The following DGKI variants were observed in gnomAD, a reference collection of about 807,000 sequenced individuals.
DGKI encodes DAG kinase iota.
A neutral mutation model predicts 147.5 loss-of-function variants in DGKI; 55 were observed. The ratio of observed to expected loss-of-function variants is 0.37; its 90% confidence interval spans 0.30 to 0.47. The LOEUF is 0.47. Among genes scored for constraint, DGKI ranks in the 20% least tolerant of loss-of-function variants. DGKI has a pLI of 1.00. For synonymous variants in DGKI, 469 were observed against 477.1 expected, an observed-to-expected ratio of 0.98 and a Z score of 0.22; for missense variants, 1,007 against 1,323.8, an observed-to-expected ratio of 0.76 and a Z score of 3.71.
intron 5 of DGKI, among the ~76,000 whole-genome samples, chr7:137,646,290 GA>G (rs1821821661): frequency 6.6e-6 from 1 of 152,208 alleles, no homozygotes; most frequent in African/African-American, 2.4e-5. Context: ...ATAGAGTGAA[GA>G]AAGAGAAAAG....
At chr7:137,602,643 C>T (rs1820034287) in intron 10 of DGKI, among the ~76,000 whole-genome samples, 1 of 152,154 alleles carries the variant, frequency 6.6e-6, no homozygotes, top group Non-Finnish European at 1.5e-5. Flanking sequence ...ATTAACTCTG[C>T]TGTTACCTCT....
chr7:137,743,821 A>C (rs1409861327), intron 1 of DGKI, among the ~76,000 whole-genome samples: 1 of 151,964 alleles, frequency 6.6e-6, no homozygotes, highest in Non-Finnish European at 1.5e-5. Flanking sequence ...GTCTCTGCTA[A>C]AAATACAAAA....
intron 1 of DGKI, among the ~76,000 whole-genome samples, chr7:137,822,193 G>C (rs4728422): frequency 0.01 from 1,532 of 152,238 alleles, 14 homozygotes; most frequent in Middle Eastern, 0.017. Context: ...GATCACCTGA[G>C]GTCAGGAGTT....
chr7:137,574,502 T>C (rs1818903299), intron 17 of DGKI, among the ~76,000 whole-genome samples: 1 of 152,212 alleles, frequency 6.6e-6, no homozygotes, highest in African/African-American at 2.4e-5. Context: ...ATAAATATTA[T>C]TGTATTTAGA....
rs776646188 is a variant in DGKI, at chr7:137,552,562, G to A, written c.1954C>T (p.Leu652=). The A allele has an allele frequency of 6.2e-6, 10 of 1,613,810 alleles. No homozygotes were observed. The highest frequency in any genetic ancestry group is 2.5e-6 in the Non-Finnish European group (3 of 1,179,962). ...IGFTMASLAA[L]QVGGHGERLH... is the part of the protein sequence containing the mutation. ...CTCTCTCCATGGCCCCCAACTTGCAGGGCTGCCTATAAAAACAAGAGTCAA... is the reference window on the plus strand; with the variant it reads ...CTCTCTCCATGGCCCCCAACTTGCAAGGCTGCCTATAAAAACAAGAGTCAA... The change falls in exon 20 of 33, where the codon CTG becomes TTG. Residue 652 remains leucine (L), a synonymous_variant. Coordinates refer to ENST00000614521, the MANE Select transcript of DGKI (RefSeq NM_001321708.2).
chr7:137,539,336 C>T (rs1416084734), intron 20 of DGKI, among the ~76,000 whole-genome samples: 2 of 151,984 alleles, frequency 1.3e-5, no homozygotes, highest in East Asian at 1.9e-4. Flanking sequence ...AAAGGAAGCC[C>T]CAAGAGACCA....
chr7:137,772,645 C>CAAAA (rs556325713), intron 1 of DGKI, among the ~76,000 whole-genome samples: 2 of 149,758 alleles, frequency 1.3e-5, no homozygotes, highest in African/African-American at 4.9e-5. Flanking sequence ...ATTGCTAATT[C>CAAAA]AAAAAAAAAG....
chr7:137,767,986 G>A (rs1796071772), intron 1 of DGKI, among the ~76,000 whole-genome samples: 1 of 152,102 alleles, frequency 6.6e-6, no homozygotes, highest in African/African-American at 2.4e-5. Flanking sequence ...GACCAGACTG[G>A]GCAACACAGC....
At chr7:137,653,900 G>A (rs1480442154) in intron 5 of DGKI, among the ~76,000 whole-genome samples, 2 of 152,208 alleles carry the variant, frequency 1.3e-5, no homozygotes. Context: ...CATTCTAGGA[G>A]GACAGGTTCT....
chr7:137,758,867 AT>A (rs1321466948), intron 1 of DGKI, among the ~76,000 whole-genome samples: 2 of 152,016 alleles, frequency 1.3e-5, no homozygotes, highest in Non-Finnish European at 2.9e-5. Context: ...TAATCATACC[AT>A]TTTTTTACTT....
intron 19 of DGKI, among the ~76,000 whole-genome samples, chr7:137,567,302 G>A (rs1381396529): frequency 6.6e-6 from 1 of 150,810 alleles, no homozygotes; most frequent in Non-Finnish European, 1.5e-5. Flanking sequence ...TCACTATTTT[G>A]CAACCCTTAA....
chr7:137,808,794 C>A (rs1288912614), intron 1 of DGKI, among the ~76,000 whole-genome samples: 1 of 152,144 alleles, frequency 6.6e-6, no homozygotes, highest in African/African-American at 2.4e-5. Flanking sequence ...CACCTGCAAA[C>A]CATGAGGATG....
chr7:137,733,673 AAACAGACAATGAACAATAAGT>A (rs1794945950), intron 1 of DGKI, among the ~76,000 whole-genome samples: 1 of 152,146 alleles, frequency 6.6e-6, no homozygotes, highest in Non-Finnish European at 1.5e-5. Context: ...CTGGTGGAAG[AAACAGACAATGAACAATAAGT>A]AAATCATGGG....
intron 3 of DGKI, among the ~76,000 whole-genome samples, chr7:137,665,072 G>C (rs1382812281): frequency 6.6e-6 from 1 of 152,158 alleles, no homozygotes. Flanking sequence ...AGTGGCTGGG[G>C]GCCAGTGTTG....
At chr7:137,821,133 C>T (rs1797884951) in intron 1 of DGKI, among the ~76,000 whole-genome samples, 1 of 152,154 alleles carries the variant, frequency 6.6e-6, no homozygotes, top group African/African-American at 2.4e-5. Flanking sequence ...AGGAGAATGA[C>T]AAGTCTCAGG....
chr7:137,596,513 C>G (rs1228751707), intron 12 of DGKI, among the ~76,000 whole-genome samples: 1 of 152,072 alleles, frequency 6.6e-6, no homozygotes, highest in Non-Finnish European at 1.5e-5. Context: ...CCCTAGAACA[C>G]TAAAATCAAT....
chr7:137,629,873 T>G (rs151042828), intron 6 of DGKI, among the ~76,000 whole-genome samples: 39 of 152,330 alleles, frequency 2.6e-4, no homozygotes, highest in African/African-American at 9.4e-4. Flanking sequence ...CATAGTTTTC[T>G]CACAGTGTAA....
rs138040647 is a variant in DGKI, at chr7:137,618,102, T to C, written c.993+1722A>G. On this transcript the variant is annotated intron_variant, in intron 8 of 32. Transcript: ENST00000614521. ...TACCACTAGGCTATTTTACACACTC[T>C]TGCTACTTGTTTCTTTCTAAAATAC... 6.7e-3 allele frequency among the ~76,000 whole-genome samples: 777 copies of C among 116,552 alleles called. 16 individuals carry two copies. The highest frequency in any genetic ancestry group is 0.021 in the African/African-American group (734 of 35,530). 76.5% of individuals were successfully genotyped at this position (116,552 alleles called of 152,430 possible).
chr7:137,774,393 A>G (rs904958081), intron 1 of DGKI, among the ~76,000 whole-genome samples: 1 of 152,176 alleles, frequency 6.6e-6, no homozygotes, highest in African/African-American at 2.4e-5. Context: ...AAACATTTCC[A>G]TGCAATTTCC....
Sources: allele counts gnomAD v4.1 joint callset (sites outside exome capture counted in the v4.1 genomes callset), GRCh38; gene constraint gnomAD v4.1.1; transcripts MANE v1.5; gene names NCBI Gene and HGNC (gene_info 2026-07-23, HGNC 2026-07-21).